CCDC83: variants seen among roughly 807,000 people sequenced by gnomAD.
CCDC83 encodes the protein coiled-coil domain containing 83, also known as coiled-coil domain-containing protein 83.
Under a neutral mutation model 50.1 loss-of-function variants are expected in CCDC83, and 54 were observed. That is an observed-to-expected ratio of 1.08 (90% CI 0.87 to 1.35). CCDC83 has a LOEUF of 1.35. Ranked by LOEUF, CCDC83 falls within the 40% of genes most tolerant of loss-of-function variation. The probability of loss-of-function intolerance (pLI) is 0.00; values close to 1 mark genes in which losing one functional copy is unlikely to be tolerated. For synonymous variants in CCDC83, 161 were observed against 153.3 expected (o/e 1.05, Z -0.37); for missense variants, 518 against 473.9 (o/e 1.09, Z -0.86).
At chr11:85,863,579 A>C (rs1173787707) in intron 1 of CCDC83, among the ~76,000 whole-genome samples, 2 of 152,266 alleles carry the variant, frequency 1.3e-5, no homozygotes, top group African/African-American at 2.4e-5. Flanking sequence ...GAAAAGTCAC[A>C]GACATAAAGA....
At chr11:85,861,961 T>C (rs1341281464) in intron 1 of CCDC83, among the ~76,000 whole-genome samples, 1 of 149,068 alleles carries the variant, frequency 6.7e-6, no homozygotes, top group Non-Finnish European at 1.5e-5. Context: ...TGACCCTGCA[T>C]TTTTAGCTTG....
At chr11:85,878,994 C>CT (rs1294272115) in intron 3 of CCDC83, among the ~76,000 whole-genome samples, 2 of 149,804 alleles carry the variant, frequency 1.3e-5, no homozygotes, top group African/African-American at 2.5e-5. Context: ...TTTTTGTACT[C>CT]TTGAGTTTTA....
chr11:85,914,632 G>A (rs2093469285), intron 8 of CCDC83, among the ~76,000 whole-genome samples: 1 of 152,162 alleles, frequency 6.6e-6, no homozygotes, highest in African/African-American at 2.4e-5. Context: ...ACAGCGACCT[G>A]ACTAGTGCCA....
intron 4 of CCDC83, among the ~76,000 whole-genome samples, chr11:85,883,831 G>A (rs2093313598): frequency 6.6e-6 from 1 of 152,148 alleles, no homozygotes; most frequent in Non-Finnish European, 1.5e-5. Flanking sequence ...GCTGTTTTGA[G>A]TGAAATCGTT....
chr11:85,909,371 T>G (rs1306635388), intron 7 of CCDC83, among the ~76,000 whole-genome samples: 1 of 152,168 alleles, frequency 6.6e-6, no homozygotes, highest in African/African-American at 2.4e-5. Context: ...CTTTTATTAC[T>G]TCCTCCAGTT....
chr11:85,886,468 C>T (rs2093327534), intron 5 of CCDC83, 101 bp downstream of exon 5: 2 of 927,700 alleles, frequency 2.2e-6, no homozygotes, highest in South Asian at 5.0e-5. Context: ...TCATTCATTA[C>T]TCTGCTGTCA....
chr11:85,914,925 G>A (rs2093470561), intron 8 of CCDC83, among the ~76,000 whole-genome samples: 1 of 152,036 alleles, frequency 6.6e-6, no homozygotes, highest in African/African-American at 2.4e-5. Context: ...AAGAAGTGCA[G>A]AGCGAAGGTT....
chr11:85,905,471 G>A (rs1020337235), intron 7 of CCDC83, among the ~76,000 whole-genome samples: 3 of 149,858 alleles, frequency 2.0e-5, no homozygotes, highest in African/African-American at 4.9e-5. Flanking sequence ...TTAGCCAGGC[G>A]TGGTGGCATG....
At chr11:85,907,534 C>T (rs895986583) in intron 7 of CCDC83, among the ~76,000 whole-genome samples, 2 of 152,134 alleles carry the variant, frequency 1.3e-5, no homozygotes, top group Non-Finnish European at 2.9e-5. Context: ...CCCAACTTAA[C>T]GTTTTAACTA....
intron 2 of CCDC83, among the ~76,000 whole-genome samples, chr11:85,868,049 C>G (rs975341536): frequency 6.6e-6 from 1 of 152,200 alleles, no homozygotes; most frequent in Non-Finnish European, 1.5e-5. Context: ...TTATATCTCT[C>G]TCAGCTCCTA....
rs1338864067 is a variant in CCDC83 at position 85,911,166 on chromosome 11, C to T, written c.673-115C>T. ...AGCCTGGGAGACAAAAGTGAAACTC[C>T]GTCTCAAATAAAAAAAAAAAAAAAA... On this transcript the variant is annotated intron_variant, in intron 7 of 10. Coordinates refer to ENST00000342404, the MANE Select transcript of CCDC83 (RefSeq NM_001286159.2). 34 of 896,024 alleles carry T rather than the reference C, an allele frequency of 3.8e-5. No homozygotes were observed. In the East Asian group the frequency reaches 5.9e-4, roughly 16 times the overall value. 55.5% of individuals were successfully genotyped at this position (896,024 alleles called of 1,614,324 possible).
At chr11:85,886,045 T>C (rs1185560246) in intron 4 of CCDC83, among the ~76,000 whole-genome samples, 155 bp from the exon 5 acceptor site, 3 of 152,190 alleles carry the variant, frequency 2.0e-5, no homozygotes, top group Admixed American at 2.0e-4. Context: ...TAAACAACAG[T>C]TTGAATAGTT....
intron 1 of CCDC83, among the ~76,000 whole-genome samples, chr11:85,859,181 C>A (rs77716051): frequency 0.12 from 9,361 of 74,956 alleles, 464 homozygotes; most frequent in African/African-American, 0.22. Context: ...AAAAAAAAAA[C>A]CCCTAGGAAT....
intron 2 of CCDC83, among the ~76,000 whole-genome samples, chr11:85,871,618 T>C (rs538844286): frequency 2.0e-5 from 3 of 152,342 alleles, no homozygotes; most frequent in African/African-American, 7.2e-5. Flanking sequence ...CATTCACATA[T>C]GATTTCTTAT....
intron 7 of CCDC83, among the ~76,000 whole-genome samples, chr11:85,907,243 G>C (rs1592190617): frequency 6.6e-6 from 1 of 151,990 alleles, no homozygotes; most frequent in East Asian, 1.9e-4. Context: ...TTTTTTTGTT[G>C]TTGTTTTAAT....
chr11:85,906,920 A>AT (rs1292983064), intron 7 of CCDC83, among the ~76,000 whole-genome samples: 3 of 151,774 alleles, frequency 2.0e-5, no homozygotes, highest in Non-Finnish European at 4.4e-5. Context: ...ATTAAATTAA[A>AT]TAAATAACAA....
chr11:85,883,899 C>T (rs1472748741), intron 4 of CCDC83, among the ~76,000 whole-genome samples: 3 of 152,142 alleles, frequency 2.0e-5, no homozygotes, highest in Admixed American at 1.3e-4. Context: ...AAACTGTTCC[C>T]ATAGACCTCC....
chr11:85,903,542 A>T (rs1188268083), intron 7 of CCDC83, among the ~76,000 whole-genome samples: 4 of 151,700 alleles, frequency 2.6e-5, no homozygotes, highest in Non-Finnish European at 5.9e-5. Context: ...ACCTCAAGTG[A>T]TCCACCCGCC....
intron 4 of CCDC83, among the ~76,000 whole-genome samples, chr11:85,884,868 T>C (rs2093318976): frequency 6.6e-6 from 1 of 152,200 alleles, no homozygotes; most frequent in East Asian, 1.9e-4. Context: ...ATAGTAGTAC[T>C]GATAATTGTT....
Sources: allele counts gnomAD v4.1 joint callset (sites outside exome capture counted in the v4.1 genomes callset), GRCh38; gene constraint gnomAD v4.1.1; transcripts MANE v1.5; gene names NCBI Gene and HGNC (gene_info 2026-07-23, HGNC 2026-07-21).